The following EIF3M variants were observed in gnomAD, a reference collection of about 807,000 sequenced individuals.
EIF3M encodes the protein B5 receptor.
Under a neutral mutation model 49.7 loss-of-function variants are expected in EIF3M, and 25 were observed. That is an observed-to-expected ratio of 0.50 (90% CI 0.37 to 0.70). EIF3M has a LOEUF of 0.70. Among genes scored for constraint, EIF3M ranks in the 30% least tolerant of loss-of-function variants. The pLI is 0.00. For missense variants in EIF3M, 350 were observed against 440.0 expected (o/e 0.80, Z 1.83); for synonymous variants, 156 against 149.8 (o/e 1.04, Z -0.30).
At chr11:32,589,745 C>G (rs543237185) in intron 5 of EIF3M, 104 bp downstream of exon 5, 1 of 845,342 alleles carries the variant, frequency 1.2e-6, no homozygotes, top group South Asian at 1.7e-5. Context: ...TTACTCTGTT[C>G]TCCACAGAGT....
At chr11:32,590,059 A>G (rs1485975584) in intron 5 of EIF3M, among the ~76,000 whole-genome samples, 1 of 152,186 alleles carries the variant, frequency 6.6e-6, no homozygotes, top group Non-Finnish European at 1.5e-5. Flanking sequence ...CTCTAGACCC[A>G]GCGAGCCTAT....
chr11:32,600,673 C>T lies in EIF3M; in HGVS notation c.800-16C>T, dbSNP rs1263401017. 51 of 1,596,634 alleles carry T rather than the reference C, an allele frequency of 3.2e-5. No individual in the cohort carries two copies. The highest frequency in any genetic ancestry group is 4.3e-5 in the Non-Finnish European group (51 of 1,172,934). On this transcript the variant is annotated splice_polypyrimidine_tract_variant and intron_variant, in intron 8 of 10. Coordinates refer to ENST00000531120, the MANE Select transcript of EIF3M (RefSeq NM_006360.6). ...TAGTATGAACACTCATCAGGCTTCA[C>T]TATTCTGTTTTCTAGGCCTGTTACA...
chr11:32,594,772 T>C lies in EIF3M; in HGVS notation c.618-142T>C, dbSNP rs1855153994. 6.5e-6 allele frequency: 4 copies of C among 616,744 alleles called. No individual in the cohort carries two copies. In the Admixed American group the frequency reaches 1.3e-4, roughly 21 times the overall value. 38.2% of individuals were successfully genotyped at this position (616,744 alleles called of 1,614,324 possible). A position where few individuals can be genotyped will look rare whatever the true frequency, so the allele number is the denominator to read the frequency against. ...AATGTGTTGGCCTGTCTTAACCCAA[T>C]CCTGTAGCTTTTTTAATGTTGTTTA... On this transcript the variant is annotated intron_variant, in intron 6 of 10. Transcript: ENST00000531120.
rs1486763352 is a variant in EIF3M at position 32,589,093 on chromosome 11, A to G, written c.396A>G (p.Ala132=). The G allele has an allele frequency of 1.9e-6, 3 of 1,614,090 alleles. No individual in the cohort carries two copies. The highest frequency in any genetic ancestry group is 2.5e-6 in the Non-Finnish European group (3 of 1,180,044). The part of the protein sequence containing the change: ...TVYCSLIKVA[A]SCGAIQYIPT... ...ATTGCAGCCTTATTAAAGTGGCAGC[A>G]TCTTGTGGGGCCATCCAGTACATCC... The change falls in exon 4 of 11, where the codon GCA becomes GCG. Residue 132 remains alanine (A), a synonymous_variant. Coordinates refer to ENST00000531120, the MANE Select transcript of EIF3M (RefSeq NM_006360.6).
At position 32,602,859 on chromosome 11, in the gene EIF3M, C is replaced by G; in HGVS notation, c.*460C>G. 1.2e-6 allele frequency: 2 copies of G among 1,608,802 alleles called. No homozygotes were observed. Among genetic ancestry groups the G allele is most frequent in the Non-Finnish European group, 1.7e-6 (2 of 1,177,542 alleles). ...CCAACGTCTCTTCTGCTTTTCTTTTCTTTGGCTGGTTGTCATTTTCTAAAC... is the reference window on the plus strand; with the variant it reads ...CCAACGTCTCTTCTGCTTTTCTTTTGTTTGGCTGGTTGTCATTTTCTAAAC... On this transcript the variant is annotated 3_prime_UTR_variant, in exon 11 of 11. Coordinates refer to ENST00000531120, the MANE Select transcript of EIF3M (RefSeq NM_006360.6).
At chr11:32,588,076 G>T (rs1404639884) in intron 2 of EIF3M, among the ~76,000 whole-genome samples, 1 of 152,064 alleles carries the variant, frequency 6.6e-6, no homozygotes. Flanking sequence ...ATGTAAATCA[G>T]TCTCTGTTTT....
chr11:32,595,078 G>T (rs1392419371), intron 7 of EIF3M, 65 bp downstream of exon 7: 6 of 1,423,792 alleles, frequency 4.2e-6, no homozygotes, highest in Non-Finnish European at 5.8e-6. Context: ...ACTGAAGCAG[G>T]ACTCTTTTTC....
rs746948954 is a variant in EIF3M, at chr11:32,603,037, A to C, written c.*638A>C. On this transcript the variant is annotated 3_prime_UTR_variant, in exon 11 of 11. Coordinates refer to ENST00000531120, the MANE Select transcript of EIF3M (RefSeq NM_006360.6). Reference sequence around the variant, plus strand: ...TGTTTTCACCTGGGAAAGATAAACTAATTTTACCTTCGAAATTATTATACA... The same window carrying C: ...TGTTTTCACCTGGGAAAGATAAACTCATTTTACCTTCGAAATTATTATACA... 2 of 1,559,448 alleles carry C rather than the reference A, an allele frequency of 1.3e-6. No individual in the cohort carries two copies. The highest frequency in any genetic ancestry group is 1.7e-6 in the Non-Finnish European group (2 of 1,150,456).
intron 1 of EIF3M, 125 bp downstream of exon 1, chr11:32,584,054 T>C (rs1854950880): frequency 1.5e-6 from 2 of 1,306,162 alleles, no homozygotes; most frequent in South Asian, 1.3e-5. Flanking sequence ...CACGCGAGAA[T>C]GGGGAGGCCG....
chr11:32,592,945 ACTGTGC>A (rs1855125769), intron 5 of EIF3M, among the ~76,000 whole-genome samples: 1 of 152,244 alleles, frequency 6.6e-6, no homozygotes, highest in African/African-American at 2.4e-5. Flanking sequence ...GGCATGCGCC[ACTGTGC>A]CTAGGCATTT....
At chr11:32,602,005 A>G (rs981406687) in intron 10 of EIF3M, 183 bp downstream of exon 10, 9 of 837,422 alleles carry the variant, frequency 1.1e-5, no homozygotes, top group African/African-American at 5.2e-5. Context: ...AAAGAGTCCT[A>G]TTTTCCAGCA....
chr11:32,590,244 G>T (rs1451163813), intron 5 of EIF3M, among the ~76,000 whole-genome samples: 1 of 152,122 alleles, frequency 6.6e-6, no homozygotes, highest in East Asian at 1.9e-4. Flanking sequence ...AGATTTCAGG[G>T]TCCATAACAT....
chr11:32,588,779 C>A, intron 3 of EIF3M, 47 bp downstream of exon 3: 1 of 1,609,990 alleles, frequency 6.2e-7, no homozygotes, highest in Non-Finnish European at 8.5e-7. Context: ...GTGCTTTTTT[C>A]ATGTTACTAA....
intron 10 of EIF3M, 183 bp downstream of exon 10, chr11:32,602,005 A>C: frequency 1.2e-6 from 1 of 837,540 alleles, no homozygotes; most frequent in Non-Finnish European, 1.9e-6. Context: ...AAAGAGTCCT[A>C]TTTTCCAGCA....
intron 5 of EIF3M, among the ~76,000 whole-genome samples, chr11:32,591,507 T>A (rs1855102326): frequency 6.6e-6 from 1 of 152,194 alleles, no homozygotes; most frequent in Non-Finnish European, 1.5e-5. Flanking sequence ...AAGGCAAAGG[T>A]ACAACAGATA....
rs1279856037 is a variant in EIF3M, at chr11:32,605,322, G to A, written c.*2923G>A. Reference sequence around the variant, plus strand: ...GAGTTTTACCTCTGATCTTTGGGGTGATTCTTTGTTCATATTTATCTGATT... The same window carrying A: ...GAGTTTTACCTCTGATCTTTGGGGTAATTCTTTGTTCATATTTATCTGATT... On this transcript the variant is annotated 3_prime_UTR_variant, in exon 11 of 11. Transcript: ENST00000531120. The A allele has an allele frequency of 6.6e-6, 1 of 152,032 alleles. No individual in the cohort carries two copies. The highest frequency in any genetic ancestry group is 1.5e-5 in the Non-Finnish European group (1 of 68,024). 9.4% of individuals were successfully genotyped at this position (152,032 alleles called of 1,614,324 possible). A position where few individuals can be genotyped will look rare whatever the true frequency, so the allele number is the denominator to read the frequency against.
At chr11:32,594,627 AGT>A (rs1213901746) in intron 6 of EIF3M, 3 of 258,636 alleles carry the variant, frequency 1.2e-5, no homozygotes, top group Non-Finnish European at 2.2e-5. Context: ...TGAAGCACTT[AGT>A]GTCTTGGCAT....
intron 6 of EIF3M, 70 bp from the exon 7 acceptor site, chr11:32,594,844 G>T: frequency 1.4e-6 from 2 of 1,405,816 alleles, no homozygotes; most frequent in Admixed American, 2.1e-5. Flanking sequence ...TATATTTTAT[G>T]ATCTGCAAAA....
chr11:32,603,275 ATGC>A lies in EIF3M; in HGVS notation c.*878_*880del. The A allele has an allele frequency of 2.9e-6, 1 of 344,208 alleles. No individual in the cohort carries two copies. The highest frequency in any genetic ancestry group is 5.2e-6 in the Non-Finnish European group (1 of 190,900). The allele number at this position is 344,208 out of a possible 1,614,324, so 21.3% of individuals were successfully genotyped here. On this transcript the variant is annotated 3_prime_UTR_variant, in exon 11 of 11. Coordinates refer to ENST00000531120, the MANE Select transcript of EIF3M (RefSeq NM_006360.6). Reference sequence around the variant, plus strand: ...CTTTTACTACTTCATGTTTCCTCCCATGCTTCAGAACACCATTGTTGAAGAAAC... The same window carrying A: ...CTTTTACTACTTCATGTTTCCTCCCATTCAGAACACCATTGTTGAAGAAAC...
Sources: gnomAD v4.1 joint callset for allele counts (sites outside exome capture counted in the v4.1 genomes callset) on GRCh38, gnomAD v4.1.1 for gene constraint, MANE v1.5 for transcripts, NCBI Gene and HGNC (gene_info 2026-07-23, HGNC 2026-07-21) for gene names.